RIMKLB: variants seen among roughly 807,000 people sequenced by gnomAD.
The protein encoded by RIMKLB is beta-citrylglutamate synthase B.
In RIMKLB, 7 loss-of-function variants were observed where a neutral mutation model predicts 32.0. The ratio of observed to expected loss-of-function variants is 0.22; its 90% CI spans 0.12 to 0.41. RIMKLB has a LOEUF of 0.41. Ranked by LOEUF, RIMKLB falls within the 10% of genes least tolerant of loss-of-function variation. RIMKLB has a pLI of 1.00. For synonymous variants in RIMKLB, 172 were observed against 185.1 expected, an observed-to-expected ratio of 0.93 and a Z score of 0.57; for missense variants, 289 against 498.7, an observed-to-expected ratio of 0.58 and a Z score of 4.00.
intron 2 of RIMKLB, among the ~76,000 whole-genome samples, chr12:8,740,808 C>T (rs1258956252): frequency 6.6e-6 from 1 of 152,222 alleles, no homozygotes; most frequent in Non-Finnish European, 1.5e-5. Context: ...TGTGTTAGCT[C>T]ATGCCCATAA....
intron 5 of RIMKLB, among the ~76,000 whole-genome samples, chr12:8,766,801 T>C (rs1950005352): frequency 6.6e-6 from 1 of 152,266 alleles, no homozygotes; most frequent in African/African-American, 2.4e-5. Context: ...GAATTTTCAG[T>C]GGTTAATGTT....
intron 5 of RIMKLB, among the ~76,000 whole-genome samples, chr12:8,763,750 C>T (rs1949722644): frequency 6.6e-6 from 1 of 152,172 alleles, no homozygotes; most frequent in Non-Finnish European, 1.5e-5. Context: ...TATCCACGTA[C>T]CGAAGGACAA....
At chr12:8,693,144 G>A (rs1396851748), upstream of RIMKLB, among the ~76,000 whole-genome samples, 3 of 152,116 alleles carry the variant, frequency 2.0e-5, no homozygotes, top group South Asian at 4.1e-4. Flanking sequence ...AAAGGTTTTC[G>A]CTTGACCTGC....
chr12:8,764,226 C>T (rs1040270745), intron 5 of RIMKLB, among the ~76,000 whole-genome samples: 5 of 152,106 alleles, frequency 3.3e-5, no homozygotes, highest in African/African-American at 1.2e-4. Flanking sequence ...GGAAAGGAGG[C>T]GGAATCCTTT....
In RIMKLB at chr12:8,750,095, G is replaced by A. The variant is rs1948488828; in HGVS notation, c.406+3G>A. On this transcript the variant is annotated splice_donor_region_variant and intron_variant, in intron 3 of 5. Coordinates refer to ENST00000535829, the MANE Select transcript of RIMKLB (RefSeq NM_001297776.2). ...TCTGCCGGATACTTTCTCTTATGGT[G>A]AGCCTACTAAAGAGCATACATAGCC... The A allele has an allele frequency of 6.3e-7, 1 of 1,582,870 alleles. No individual in the cohort carries two copies. The highest frequency in any genetic ancestry group is 2.2e-5 in the East Asian group (1 of 44,514).
At chr12:8,741,092 G>C (rs1332899338) in intron 2 of RIMKLB, among the ~76,000 whole-genome samples, 1 of 152,180 alleles carries the variant, frequency 6.6e-6, no homozygotes, top group African/African-American at 2.4e-5. Context: ...TGTAGTCCCA[G>C]CTACTTGGGA....
intron 1 of RIMKLB, among the ~76,000 whole-genome samples, chr12:8,713,306 T>C (rs1190841641): frequency 6.6e-6 from 1 of 152,192 alleles, no homozygotes; most frequent in Admixed American, 6.5e-5. Flanking sequence ...CTACCTATTT[T>C]TTTTTTCTAC....
At position 8,775,698 on chromosome 12, in the gene RIMKLB, C is replaced by T; in HGVS notation, c.*1914C>T. ...GGAATGTAATAAAATTTGTTTTTTCCATAGAATTAAATAATATTAAAATTG... is the reference window on the plus strand; with the variant it reads ...GGAATGTAATAAAATTTGTTTTTTCTATAGAATTAAATAATATTAAAATTG... On this transcript the variant is annotated 3_prime_UTR_variant, in exon 6 of 6. Transcript: ENST00000535829. 3 of 984,190 alleles carry T rather than the reference C, an allele frequency of 3.0e-6. No homozygotes were observed. The highest frequency in any genetic ancestry group is 3.6e-6 in the Non-Finnish European group (3 of 828,562). The allele number at this position is 984,190 out of a possible 1,614,324, so 61.0% of individuals were successfully genotyped here.
chr12:8,688,681 A>G (rs913221065), intron 1 of RIMKLB, among the ~76,000 whole-genome samples: 7 of 149,934 alleles, frequency 4.7e-5, no homozygotes, highest in African/African-American at 1.5e-4. Flanking sequence ...AGAAATGAGC[A>G]TTACTGTTTT....
At chr12:8,732,386 T>A (rs7954527) in intron 2 of RIMKLB, among the ~76,000 whole-genome samples, 1 of 152,058 alleles carries the variant, frequency 6.6e-6, no homozygotes, top group South Asian at 2.1e-4. Context: ...CCCAACACAT[T>A]TAGGTCCATT....
chr12:8,688,407 C>T (rs916307647), intron 1 of RIMKLB, among the ~76,000 whole-genome samples: 2 of 151,628 alleles, frequency 1.3e-5, no homozygotes, highest in African/African-American at 2.4e-5. Flanking sequence ...ACAAGAAAAG[C>T]GAGATTTAGG....
At chr12:8,772,741 G>A (rs1950510548) in intron 5 of RIMKLB, among the ~76,000 whole-genome samples, 1 of 152,184 alleles carries the variant, frequency 6.6e-6, no homozygotes, top group African/African-American at 2.4e-5. Flanking sequence ...CCTGTCCTTA[G>A]TTCAGAGCTT....
chr12:8,718,017 C>G (rs1432197025), intron 2 of RIMKLB, among the ~76,000 whole-genome samples: 1 of 152,180 alleles, frequency 6.6e-6, no homozygotes, highest in Non-Finnish European at 1.5e-5. Flanking sequence ...CTTTTACTGA[C>G]AGTGTGGCCT....
chr12:8,771,918 T>A (rs778736999), intron 5 of RIMKLB, among the ~76,000 whole-genome samples: 2 of 152,190 alleles, frequency 1.3e-5, no homozygotes, highest in Non-Finnish European at 2.9e-5. Flanking sequence ...AGATGGAGTC[T>A]CGTTCTGTCG....
At chr12:8,723,982 AGTTTTGTTTT>A (rs75784732) in intron 2 of RIMKLB, among the ~76,000 whole-genome samples, 117 of 150,940 alleles carry the variant, frequency 7.8e-4, no homozygotes, top group Middle Eastern at 3.4e-3. Context: ...TGCCTGGCTA[AGTTTTGTTTT>A]GTTTTGTTTT....
chr12:8,671,510 A>G, the RIMKLB span, among the ~76,000 whole-genome samples: 1 of 152,118 alleles, frequency 6.6e-6, no homozygotes, highest in East Asian at 1.9e-4. Flanking sequence ...TCGGCCTTCC[A>G]GCGTGCTGGG....
upstream of RIMKLB, among the ~76,000 whole-genome samples, chr12:8,681,383 C>T (rs1209579844): frequency 2.6e-5 from 4 of 152,162 alleles, no homozygotes; most frequent in Admixed American, 6.6e-5. Flanking sequence ...GGTCTTTGGG[C>T]CTGGTTCCTG....
intron 2 of RIMKLB, among the ~76,000 whole-genome samples, chr12:8,727,800 G>A (rs1044303289): frequency 1.3e-5 from 2 of 151,790 alleles, no homozygotes; most frequent in Non-Finnish European, 2.9e-5. Flanking sequence ...TCAGGAGACT[G>A]AGGCAGGAGA....
rs1396892250 is a variant in RIMKLB, at chr12:8,703,287, AAAAAGAAAAAG to A, written c.-57+5003_-57+5013del. 2.0e-5 allele frequency among the ~76,000 whole-genome samples: 3 copies of A among 152,226 alleles called. No homozygotes were observed. In the East Asian group the frequency reaches 5.8e-4, roughly 29 times the overall value. On this transcript the variant is annotated intron_variant, in intron 1 of 5. Coordinates refer to ENST00000535829, the MANE Select transcript of RIMKLB (RefSeq NM_001297776.2). ...CAGCAGAGTGAGACTCCCTCTCAAA[AAAAAGAAAAAG>A]AAAAGAAAAAGAGAAATGTTGTTTG...
Sources: allele counts gnomAD v4.1 joint callset (sites outside exome capture counted in the v4.1 genomes callset), GRCh38; gene constraint gnomAD v4.1.1; transcripts MANE v1.5; gene names NCBI Gene and HGNC (gene_info 2026-07-23, HGNC 2026-07-21).